Variants in HS3ST4 observed in about 807,000 individuals in gnomAD.
HS3ST4 encodes heparan sulfate-glucosamine 3-sulfotransferase 4, also known as heparan sulfate glucosamine 3-O-sulfotransferase 4.
HS3ST4 carries 17 observed loss-of-function variants against 29.2 expected under a neutral mutation model. The observed-to-expected ratio is 0.58, with a 90% CI of 0.40 to 0.87. HS3ST4 has a LOEUF of 0.87. Ranked by LOEUF, HS3ST4 falls within the 40% of genes least tolerant of loss-of-function variation. HS3ST4 has a pLI of 0.00. For missense variants in HS3ST4, 627 were observed against 634.5 expected, an observed-to-expected ratio of 0.99 and a Z score of 0.13; for synonymous variants, 314 against 285.7, an observed-to-expected ratio of 1.10 and a Z score of -1.00.
intron 1 of HS3ST4, among the ~76,000 whole-genome samples, chr16:26,061,037 T>A (rs929493879): frequency 1.3e-5 from 2 of 152,240 alleles, no homozygotes; most frequent in Non-Finnish European, 2.9e-5. Flanking sequence ...TCCCATCTTC[T>A]AAAGGGCTTG....
chr16:25,877,642 G>T (rs542213964), intron 1 of HS3ST4, among the ~76,000 whole-genome samples: 116 of 152,310 alleles, frequency 7.6e-4, no homozygotes, highest in Non-Finnish European at 7.1e-4. Flanking sequence ...ACCTTTGGAG[G>T]AAGCATAGCC....
intron 1 of HS3ST4, among the ~76,000 whole-genome samples, chr16:25,973,567 C>T (rs574126997): frequency 3.9e-5 from 6 of 152,276 alleles, no homozygotes; most frequent in African/African-American, 7.2e-5. Flanking sequence ...CACAAGAACT[C>T]GGAGCTAATG....
At chr16:25,785,938 G>A (rs926111102) in intron 1 of HS3ST4, among the ~76,000 whole-genome samples, 1 of 152,174 alleles carries the variant, frequency 6.6e-6, no homozygotes, top group Non-Finnish European at 1.5e-5. Context: ...AGACATAATG[G>A]TGGCTTGGAC....
At chr16:25,879,072 C>A (rs976487535) in intron 1 of HS3ST4, among the ~76,000 whole-genome samples, 2 of 152,132 alleles carry the variant, frequency 1.3e-5, no homozygotes, top group Non-Finnish European at 2.9e-5. Context: ...AGCCAAATTC[C>A]CTAGGGTTAA....
At chr16:26,115,536 G>A (rs907184096) in intron 1 of HS3ST4, among the ~76,000 whole-genome samples, 16 of 152,006 alleles carry the variant, frequency 1.1e-4, no homozygotes, top group Non-Finnish European at 2.2e-4. Context: ...CCAATGGTAC[G>A]TATTATTCTA....
At chr16:25,931,219 G>A (rs982329029) in intron 1 of HS3ST4, among the ~76,000 whole-genome samples, 3 of 152,104 alleles carry the variant, frequency 2.0e-5, no homozygotes, top group East Asian at 1.9e-4. Context: ...GCCCTCTGCC[G>A]TGTGACCCCT....
chr16:26,046,036 A>G (rs1596661764), intron 1 of HS3ST4, among the ~76,000 whole-genome samples: 1 of 151,844 alleles, frequency 6.6e-6, no homozygotes, highest in Non-Finnish European at 1.5e-5. Flanking sequence ...TGTTGCCTAT[A>G]GTATCTTCTC....
At chr16:25,848,380 T>C (rs552546185) in intron 1 of HS3ST4, among the ~76,000 whole-genome samples, 1 of 152,238 alleles carries the variant, frequency 6.6e-6, no homozygotes, top group South Asian at 2.1e-4. Flanking sequence ...CATCAAATGA[T>C]CCGTCCGCCT....
intron 1 of HS3ST4, among the ~76,000 whole-genome samples, chr16:25,746,884 C>T (rs1368644910): frequency 6.6e-6 from 1 of 151,804 alleles, no homozygotes; most frequent in Non-Finnish European, 1.5e-5. Context: ...GGTCTTGCTC[C>T]ATCACCCGTG....
At chr16:26,071,382 C>T (rs1230030549) in intron 1 of HS3ST4, among the ~76,000 whole-genome samples, 1 of 151,996 alleles carries the variant, frequency 6.6e-6, no homozygotes, top group Admixed American at 6.6e-5. Flanking sequence ...GGACAGGAAG[C>T]AAGGGGTTGA....
intron 1 of HS3ST4, among the ~76,000 whole-genome samples, chr16:26,073,382 CTTTTTT>C (rs369341610): frequency 0.29 from 44,376 of 150,864 alleles, 6,843 homozygotes; most frequent in Middle Eastern, 0.36. Context: ...CTTTTCTTTT[CTTTTTT>C]TTCTGTGACA....
At chr16:25,809,348 T>C (rs1967019394) in intron 1 of HS3ST4, among the ~76,000 whole-genome samples, 2 of 152,198 alleles carry the variant, frequency 1.3e-5, no homozygotes, top group South Asian at 4.1e-4. Context: ...GTGGATTACA[T>C]TGATTGACTT....
At chr16:25,974,259 T>C (rs1055095583) in intron 1 of HS3ST4, among the ~76,000 whole-genome samples, 5 of 152,212 alleles carry the variant, frequency 3.3e-5, no homozygotes. Flanking sequence ...ACACTAGATT[T>C]TGCAAATCAT....
chr16:25,797,529 A>G (rs557502942), intron 1 of HS3ST4, among the ~76,000 whole-genome samples: 125 of 152,320 alleles, frequency 8.2e-4, no homozygotes, highest in African/African-American at 2.9e-3. Flanking sequence ...GCAAGGGCAC[A>G]TGTTAGCTGT....
At chr16:26,087,646 C>T (rs549415105) in intron 1 of HS3ST4, among the ~76,000 whole-genome samples, 3 of 152,002 alleles carry the variant, frequency 2.0e-5, no homozygotes, top group Non-Finnish European at 4.4e-5. Context: ...GCTGAGTATC[C>T]CTTATCTGAT....
intron 1 of HS3ST4, among the ~76,000 whole-genome samples, chr16:25,781,581 C>T (rs1966852646): frequency 6.6e-6 from 1 of 152,174 alleles, no homozygotes; most frequent in Non-Finnish European, 1.5e-5. Context: ...ATCCTCACCC[C>T]TCCTTATGTG....
At chr16:26,088,519 G>A (rs539033931) in intron 1 of HS3ST4, among the ~76,000 whole-genome samples, 3 of 152,106 alleles carry the variant, frequency 2.0e-5, no homozygotes, top group Non-Finnish European at 2.9e-5. Context: ...TTGTGATAGT[G>A]GCTGGTAGTT....
chr16:25,915,413 C>G (rs1968282992), intron 1 of HS3ST4, among the ~76,000 whole-genome samples: 1 of 152,194 alleles, frequency 6.6e-6, no homozygotes, highest in Non-Finnish European at 1.5e-5. Flanking sequence ...CCTTCCATTT[C>G]TTGGCCCTTT....
At chr16:25,862,244 G>A (rs1967645813) in intron 1 of HS3ST4, among the ~76,000 whole-genome samples, 1 of 151,220 alleles carries the variant, frequency 6.6e-6, no homozygotes, top group African/African-American at 2.4e-5. Flanking sequence ...CCAGGCTAGA[G>A]TGCAGTGATG....
Sources: gnomAD v4.1 joint callset for allele counts (sites outside exome capture counted in the v4.1 genomes callset) on GRCh38, gnomAD v4.1.1 for gene constraint, MANE v1.5 for transcripts, NCBI Gene and HGNC (gene_info 2026-07-23, HGNC 2026-07-21) for gene names.